Variants in FAM227A observed in about 807,000 individuals in gnomAD.
FAM227A encodes the protein family with sequence similarity 227 member A.
A neutral mutation model predicts 74.7 loss-of-function variants in FAM227A; 80 were observed. That is an observed-to-expected ratio of 1.07 (90% confidence interval 0.89 to 1.29). FAM227A has a LOEUF of 1.29. Ranked by LOEUF, FAM227A falls within the 50% of genes most tolerant of loss-of-function variation. The pLI is 0.00. For missense variants in FAM227A, 654 were observed against 683.4 expected (o/e 0.96, Z 0.48); for synonymous variants, 237 against 241.8 (o/e 0.98, Z 0.19).
At chr22:38,639,336 G>C (rs1418001233) in intron 4 of FAM227A, among the ~76,000 whole-genome samples, 2 of 151,764 alleles carry the variant, frequency 1.3e-5, no homozygotes, top group African/African-American at 4.8e-5. Flanking sequence ...TTGAACCCGG[G>C]AGGCGGAGGT....
intron 3 of FAM227A, 40 bp downstream of exon 3, chr22:38,645,523 T>C (rs2092218689): frequency 2.1e-6 from 3 of 1,433,358 alleles, no homozygotes; most frequent in South Asian, 1.2e-5. Flanking sequence ...GGCCCTTCCC[T>C]GTCAGAAGCT....
chr22:38,629,477 G>GT (rs2091874162), intron 6 of FAM227A, among the ~76,000 whole-genome samples: 1 of 152,204 alleles, frequency 6.6e-6, no homozygotes, highest in African/African-American at 2.4e-5. Flanking sequence ...AACACTTCCT[G>GT]TATCTGCCCC....
intron 9 of FAM227A, 95 bp downstream of exon 9, chr22:38,626,085 G>A: frequency 8.0e-7 from 1 of 1,247,704 alleles, no homozygotes; most frequent in Non-Finnish European, 1.1e-6. Flanking sequence ...ATGCCTTCAT[G>A]AAGGGGTGTC....
chr22:38,594,592 C>G (rs1165492531), intron 15 of FAM227A, among the ~76,000 whole-genome samples: 1 of 152,048 alleles, frequency 6.6e-6, no homozygotes, highest in Non-Finnish European at 1.5e-5. Context: ...GAACTGCATT[C>G]CTGTGGTGTT....
intron 8 of FAM227A, among the ~76,000 whole-genome samples, chr22:38,626,966 G>C (rs910195939): frequency 3.5e-5 from 5 of 143,724 alleles, no homozygotes; most frequent in Admixed American, 7.1e-5. Flanking sequence ...GTGTGGTGGT[G>C]CATGCCTGTA....
chr22:38,591,340 TA>T (rs749006141), intron 16 of FAM227A, 94 bp downstream of exon 16: 129 of 1,462,684 alleles, frequency 8.8e-5, no homozygotes, highest in Non-Finnish European at 7.6e-5. Context: ...TAAAATAAAA[TA>T]AAATAATTAT....
Position 38,583,171 on chromosome 22 carries a change from C to CTTT in FAM227A, c.*2951_*2953dup, listed in dbSNP as rs34386912. The CTTT allele has an allele frequency of 4.3e-3, 1,055 of 244,124 alleles. No homozygotes were observed. Among genetic ancestry groups the CTTT allele is most frequent in the Middle Eastern group, 8.6e-3 (6 of 696 alleles). 15.1% of individuals were successfully genotyped at this position (244,124 alleles called of 1,614,324 possible). A position where few individuals can be genotyped will look rare whatever the true frequency, so the allele number is the denominator to read the frequency against. On this transcript the variant is annotated 3_prime_UTR_variant, in exon 17 of 17. Transcript: ENST00000535113. ...CACGTTCTGGTTTCAGAAGACTATA[C>CTTT]TTTTTTTTTTTTTTTTTTGAGATGG...
chr22:38,655,319 C>T (rs1298698488), intron 1 of FAM227A, among the ~76,000 whole-genome samples: 3 of 151,658 alleles, frequency 2.0e-5, no homozygotes, highest in Non-Finnish European at 4.4e-5. Context: ...CACCTGAGGT[C>T]AGGAGTTCGA....
At chr22:38,649,567 A>G (rs2092293372) in intron 2 of FAM227A, among the ~76,000 whole-genome samples, 3 of 146,980 alleles carry the variant, frequency 2.0e-5, no homozygotes, top group Admixed American at 6.8e-5. Flanking sequence ...CTCTGTCTCA[A>G]AAAAAAAAAA....
At chr22:38,605,704 A>C (rs1198592076) in intron 12 of FAM227A, among the ~76,000 whole-genome samples, 1 of 152,170 alleles carries the variant, frequency 6.6e-6, no homozygotes, top group Admixed American at 6.5e-5. Flanking sequence ...CTCCTCTTTG[A>C]TACATGGGTC....
At chr22:38,647,092 T>C (rs896014481) in intron 2 of FAM227A, among the ~76,000 whole-genome samples, 1 of 151,976 alleles carries the variant, frequency 6.6e-6, no homozygotes, top group Non-Finnish European at 1.5e-5. Flanking sequence ...GAAGTTGCAG[T>C]GAGCCAAGAT....
chr22:38,595,970 A>G (rs1403950740), intron 15 of FAM227A, among the ~76,000 whole-genome samples: 11 of 144,736 alleles, frequency 7.6e-5, no homozygotes, highest in African/African-American at 2.6e-4. Flanking sequence ...ACAACTAATA[A>G]GGGGGGGGGG....
intron 11 of FAM227A, among the ~76,000 whole-genome samples, chr22:38,613,103 A>AT (rs1569206658): frequency 2.2e-5 from 2 of 92,978 alleles, no homozygotes; most frequent in South Asian, 2.6e-4. Context: ...TATTATATAT[A>AT]ATTATATATA....
intron 9 of FAM227A, 49 bp from the exon 10 acceptor site, chr22:38,623,328 G>C: frequency 3.9e-6 from 5 of 1,286,306 alleles, no homozygotes; most frequent in Non-Finnish European, 5.5e-6. Context: ...GGTGGATCAC[G>C]CCTGTAATCC....
chr22:38,586,251 T>G (rs2090805577), intron 16 of FAM227A, 52 bp from the exon 17 acceptor site: 3 of 1,541,012 alleles, frequency 1.9e-6, no homozygotes, highest in African/African-American at 1.4e-5. Flanking sequence ...AAAATGTAAT[T>G]TCTTCAAAGA....
chr22:38,638,400 A>G (rs2092047028), intron 5 of FAM227A, among the ~76,000 whole-genome samples: 1 of 152,188 alleles, frequency 6.6e-6, no homozygotes, highest in South Asian at 2.1e-4. Flanking sequence ...TACAACTAGC[A>G]TGGGGTGTGA....
At chr22:38,623,314 G>A (rs927325168) in intron 9 of FAM227A, 35 bp from the exon 10 acceptor site, 2 of 1,422,230 alleles carry the variant, frequency 1.4e-6, no homozygotes. Flanking sequence ...ATGGGGCCGG[G>A]TGCGGTGGAT....
chr22:38,590,622 C>G (rs2090911568), intron 16 of FAM227A, among the ~76,000 whole-genome samples: 1 of 152,202 alleles, frequency 6.6e-6, no homozygotes, highest in African/African-American at 2.4e-5. Flanking sequence ...CTAGTTTGAG[C>G]TGGCTTCCTG....
intron 10 of FAM227A, 117 bp from the exon 11 acceptor site, chr22:38,620,408 T>C: frequency 1.3e-6 from 1 of 755,786 alleles, no homozygotes. Flanking sequence ...AGATCTAGGG[T>C]CTCTCTGTTG....
Sources: allele counts gnomAD v4.1 joint callset (sites outside exome capture counted in the v4.1 genomes callset), GRCh38; gene constraint gnomAD v4.1.1; transcripts MANE v1.5; gene names NCBI Gene and HGNC (gene_info 2026-07-23, HGNC 2026-07-21).